The following FCRL1 variants were observed in gnomAD, a reference collection of about 807,000 sequenced individuals.
FCRL1 encodes the protein Fc receptor like 1.
Under a neutral mutation model 49.2 loss-of-function variants are expected in FCRL1, and 34 were observed. The observed-to-expected ratio is 0.69, with a 90% CI of 0.53 to 0.92. The LOEUF is 0.92. Ranked by LOEUF, FCRL1 falls within the 40% of genes least tolerant of loss-of-function variation. The probability of loss-of-function intolerance (pLI) is 0.00; values close to 1 mark genes in which losing one functional copy is unlikely to be tolerated. For missense variants in FCRL1, 524 were observed against 524.1 expected, an observed-to-expected ratio of 1.00 and a Z score of 0.00; for synonymous variants, 218 against 201.6, an observed-to-expected ratio of 1.08 and a Z score of -0.69.
intron 6 of FCRL1, 42 bp from the exon 7 acceptor site, chr1:157,800,127 C>G: frequency 1.2e-6 from 2 of 1,604,788 alleles, no homozygotes; most frequent in Non-Finnish European, 1.7e-6. Context: ...ATGGAAGAAC[C>G]CTCACTGTCA....
intron 1 of FCRL1, among the ~76,000 whole-genome samples, chr1:157,809,448 A>G (rs7536731): frequency 0.046 from 6,932 of 152,246 alleles, 505 homozygotes; most frequent in African/African-American, 0.16. Flanking sequence ...AACAAAAAAA[A>G]CCACAAATGA....
chr1:157,806,804 A>C (rs1049633363), intron 2 of FCRL1: 6 of 297,268 alleles, frequency 2.0e-5, no homozygotes, highest in Non-Finnish European at 3.7e-5. Context: ...TTCCTTGTGC[A>C]AACAGTGTCT....
intron 8 of FCRL1, 77 bp downstream of exon 8, chr1:157,798,084 G>T: frequency 6.5e-7 from 1 of 1,528,086 alleles, no homozygotes; most frequent in Non-Finnish European, 9.0e-7. Flanking sequence ...GTCAGGTTTG[G>T]CTAGCAGATG....
chr1:157,805,059 T>C (rs1401010493), intron 2 of FCRL1, among the ~76,000 whole-genome samples: 2 of 152,102 alleles, frequency 1.3e-5, no homozygotes, highest in Non-Finnish European at 2.9e-5. Flanking sequence ...TAAGATTTTA[T>C]GATGTTGCTC....
At chr1:157,816,794 T>TAGATAGAC (rs1655083285) in intron 1 of FCRL1, among the ~76,000 whole-genome samples, 1 of 143,678 alleles carries the variant, frequency 7.0e-6, no homozygotes, top group Non-Finnish European at 1.5e-5. Flanking sequence ...AATAGATAGA[T>TAGATAGAC]AGATAGATAG....
In FCRL1 at chr1:157,797,140, G is replaced by A. The variant is rs757701940; in HGVS notation, c.1187-8C>T. 1.9e-6 allele frequency: 3 copies of A among 1,613,644 alleles called. No individual in the cohort carries two copies. The highest frequency in any genetic ancestry group is 1.3e-5 in the African/African-American group (1 of 75,036). The stretch of plus-strand genomic sequence containing the variant: ...GTGTCCCCAGGGTTTCTGCTGTGGA[G>A]AAAAGACAAGTGCTGTGACATTCCA... On this transcript the variant is annotated splice_region_variant and splice_polypyrimidine_tract_variant and intron_variant, in intron 9 of 10. Transcript: ENST00000368176.
intron 10 of FCRL1, 142 bp from the exon 11 acceptor site, chr1:157,796,312 C>T: frequency 1.5e-6 from 1 of 681,046 alleles, no homozygotes; most frequent in Non-Finnish European, 2.6e-6. Context: ...AACTGTGGTC[C>T]AAGGCCAGCA....
intron 3 of FCRL1, among the ~76,000 whole-genome samples, chr1:157,803,141 T>C (rs1466676951): frequency 2.0e-5 from 3 of 152,200 alleles, no homozygotes; most frequent in Non-Finnish European, 2.9e-5. Context: ...TTACACAATA[T>C]CTGTGAAGCA....
In FCRL1 at chr1:157,799,569, T is replaced by C. The variant is rs575101579; in HGVS notation, c.1031+489A>G. ...TGTTATTGGTGTATAAGAATGCTTGTGATTTTTGTACATTGATTTTGTATC... is the reference window on the plus strand; with the variant it reads ...TGTTATTGGTGTATAAGAATGCTTGCGATTTTTGTACATTGATTTTGTATC... On this transcript the variant is annotated intron_variant, in intron 7 of 10. Coordinates refer to ENST00000368176, the MANE Select transcript of FCRL1 (RefSeq NM_052938.5). 2.6e-5 allele frequency among the ~76,000 whole-genome samples: 4 copies of C among 152,076 alleles called. No individual in the cohort carries two copies. In the East Asian group the frequency reaches 7.8e-4, roughly 29 times the overall value.
At chr1:157,815,111 T>C (rs1240030655) in intron 1 of FCRL1, among the ~76,000 whole-genome samples, 2 of 151,934 alleles carry the variant, frequency 1.3e-5, no homozygotes, top group Non-Finnish European at 2.9e-5. Flanking sequence ...ATAATCCTAA[T>C]GGACATTTAT....
intron 1 of FCRL1, among the ~76,000 whole-genome samples, chr1:157,810,451 C>T (rs757125723): frequency 1.1e-4 from 16 of 151,924 alleles, no homozygotes; most frequent in Non-Finnish European, 1.6e-4. Flanking sequence ...CTTGCACCAC[C>T]TCGCCTGGCT....
intron 9 of FCRL1, among the ~76,000 whole-genome samples, 153 bp from the exon 10 acceptor site, chr1:157,797,285 G>A (rs1316226382): frequency 6.6e-6 from 1 of 152,154 alleles, no homozygotes; most frequent in Non-Finnish European, 1.5e-5. Context: ...TATCACAAAT[G>A]TGATTCCCTT....
chr1:157,806,962 T>C, intron 2 of FCRL1, 140 bp downstream of exon 2: 1 of 855,850 alleles, frequency 1.2e-6, no homozygotes, highest in Non-Finnish European at 1.8e-6. Flanking sequence ...GCCACTGATG[T>C]TTGTACACCT....
At chr1:157,819,761 AG>A (rs1385479174) in intron 1 of FCRL1, among the ~76,000 whole-genome samples, 1 of 152,178 alleles carries the variant, frequency 6.6e-6, no homozygotes, top group Non-Finnish European at 1.5e-5. Context: ...ATTGATGGAA[AG>A]GAAGACAGAC....
Position 157,803,884 on chromosome 1 carries a change from T to C in FCRL1, c.280A>G (p.Lys94Glu), listed in dbSNP as rs752416306. The C allele has an allele frequency of 6.2e-7, 1 of 1,614,220 alleles. No individual in the cohort carries two copies. Among genetic ancestry groups the C allele is most frequent in the East Asian group, 2.2e-5 (1 of 44,878 alleles). ...YWCEAQTMAS[K>E]VLRSRRSQIN... ...TGGGATCTCCTGCTCCTCAAGACTT[T>C]GGACGCCATTGTCTGTGCCTCGCAC... The change falls in exon 3 of 11, where the codon AAA becomes GAA. Residue 94 changes from lysine to glutamate, a missense_variant. Physicochemically the swap from Lys to Glu is moderately conservative, Grantham distance 56. Transcript: ENST00000368176.
At chr1:157,803,700 A>C in intron 3 of FCRL1, 145 bp downstream of exon 3, 166 of 979,206 alleles carry the variant, frequency 1.7e-4, no homozygotes, top group Non-Finnish European at 2.2e-4. Context: ...AAGATCCCTT[A>C]AGGATCCTAA....
intron 2 of FCRL1, 177 bp downstream of exon 2, chr1:157,806,925 A>G: frequency 1.6e-6 from 1 of 610,764 alleles, no homozygotes; most frequent in Non-Finnish European, 2.9e-6. Flanking sequence ...GACTGATGTG[A>G]AGACAGAGCA....
Position 157,817,396 on chromosome 1 carries a change from C to T in FCRL1, c.31+2611G>A, listed in dbSNP as rs547893026. 5.3e-5 allele frequency among the ~76,000 whole-genome samples: 8 copies of T among 152,102 alleles called. No individual in the cohort carries two copies. The South Asian group carries it at 1.0e-3, about 20-fold the overall frequency. ...CACACATTTATAGCCCACTGATTTT[C>T]AACAAAGGTGTTAAGAATACACGAT... is the stretch of plus-strand genomic sequence containing the variant. On this transcript the variant is annotated intron_variant, in intron 1 of 10. Coordinates refer to ENST00000368176, the MANE Select transcript of FCRL1 (RefSeq NM_052938.5).
intron 5 of FCRL1, 59 bp from the exon 6 acceptor site, chr1:157,801,636 A>G: frequency 8.0e-7 from 1 of 1,248,702 alleles, no homozygotes; most frequent in Middle Eastern, 2.6e-4. Flanking sequence ...CTTAGAGAGC[A>G]GACATCTTGG....
Sources: allele counts gnomAD v4.1 joint callset (sites outside exome capture counted in the v4.1 genomes callset), GRCh38; gene constraint gnomAD v4.1.1; transcripts MANE v1.5; gene names NCBI Gene and HGNC (gene_info 2026-07-23, HGNC 2026-07-21).